The following JMY variants were observed in gnomAD, a reference collection of about 807,000 sequenced individuals.
JMY encodes junction-mediating and -regulatory protein.
In JMY, 46 loss-of-function variants were observed where a neutral mutation model predicts 103.3. That is an observed-to-expected ratio of 0.45 (90% CI 0.35 to 0.57). JMY has a LOEUF of 0.57. Ranked by LOEUF, JMY falls within the 20% of genes least tolerant of loss-of-function variation. JMY has a pLI of 0.00. For missense variants in JMY, 1,238 were observed against 1,255.2 expected (o/e 0.99, Z 0.21); for synonymous variants, 526 against 489.3 (o/e 1.07, Z -0.99).
At position 79,236,478 on chromosome 5, in the gene JMY, C is replaced by T. The variant is rs1007438737; in HGVS notation, c.-173C>T. 8 of 452,410 alleles carry T rather than the reference C, an allele frequency of 1.8e-5. No homozygotes were observed. The Admixed American group carries it at 2.2e-4, about 13-fold the overall frequency. The allele number at this position is 452,410 out of a possible 1,614,324, so 28.0% of individuals were successfully genotyped here. A position where few individuals can be genotyped will look rare whatever the true frequency, so the allele number is the denominator to read the frequency against. ...TCTCTCGATCCGCGCCACAAAGGAG[C>T]TCGGCGGTCGGGGCGCGGAGGGACA... is the stretch of plus-strand genomic sequence containing the variant. On this transcript the variant is annotated 5_prime_UTR_variant, in exon 1 of 11. Coordinates refer to ENST00000396137, the MANE Select transcript of JMY (RefSeq NM_152405.5).
At chr5:79,299,642 C>A (rs1561309995) in intron 4 of JMY, among the ~76,000 whole-genome samples, 2 of 152,206 alleles carry the variant, frequency 1.3e-5, no homozygotes, top group Non-Finnish European at 2.9e-5. Context: ...TTGTCTTCTG[C>A]TGTTCCAGTC....
chr5:79,312,033 T>A (rs1035508365), intron 7 of JMY, among the ~76,000 whole-genome samples: 4 of 152,104 alleles, frequency 2.6e-5, no homozygotes, highest in Non-Finnish European at 5.9e-5. Flanking sequence ...GCCTGGCTGG[T>A]CTCGAACCCC....
At chr5:79,290,367 A>G in intron 3 of JMY, 96 bp downstream of exon 3, 2 of 764,356 alleles carry the variant, frequency 2.6e-6, no homozygotes, top group South Asian at 4.9e-5. Context: ...GTATATAAAG[A>G]TCACTCATAA....
rs746108378 is a variant in JMY at position 79,237,400 on chromosome 5, G to A, written c.750G>A (p.Ser250=). The A allele has an allele frequency of 1.2e-6, 2 of 1,613,562 alleles. No homozygotes were observed. Among genetic ancestry groups the A allele is most frequent in the Middle Eastern group, 1.6e-4 (1 of 6,062 alleles). The stretch of plus-strand genomic sequence containing the variant: ...ACCAGCAGCTGTGCTCGGTGAACTC[G>A]CAGTTGGAGCCGTGCCTGCCGGTGT... The part of the protein sequence containing the change: ...AVHQQLCSVN[S]QLEPCLPVFP... Residue 250 remains serine, a synonymous_variant, in exon 1 of 11, where the codon TCG becomes TCA. Transcript: ENST00000396137.
intron 1 of JMY, among the ~76,000 whole-genome samples, chr5:79,265,219 C>T (rs184583367): frequency 2.0e-5 from 3 of 152,124 alleles, no homozygotes; most frequent in African/African-American, 4.8e-5. Flanking sequence ...CTACTGCACC[C>T]GGCCAAAAAA....
chr5:79,240,629 G>A (rs181308951), intron 1 of JMY, among the ~76,000 whole-genome samples: 2 of 152,238 alleles, frequency 1.3e-5, no homozygotes, highest in East Asian at 1.9e-4. Context: ...TTGAAAAATA[G>A]CCATCAAGGA....
intron 1 of JMY, among the ~76,000 whole-genome samples, chr5:79,260,116 C>T (rs1478465216): frequency 6.6e-6 from 1 of 152,222 alleles, no homozygotes; most frequent in Admixed American, 6.5e-5. Context: ...CCCTGGCCAG[C>T]GCCACACAAA....
intron 1 of JMY, among the ~76,000 whole-genome samples, chr5:79,260,490 C>G (rs955231865): frequency 6.6e-6 from 1 of 152,210 alleles, no homozygotes; most frequent in African/African-American, 2.4e-5. Context: ...AAGCGATCCT[C>G]CCACGTCAGC....
Position 79,277,903 on chromosome 5 carries a change from T to G in JMY, c.1033-7T>G. 1 of 1,604,932 alleles carries G rather than the reference T, an allele frequency of 6.2e-7. No individual in the cohort carries two copies. The highest frequency in any genetic ancestry group is 8.5e-7 in the Non-Finnish European group (1 of 1,173,790). On this transcript the variant is annotated splice_region_variant and splice_polypyrimidine_tract_variant and intron_variant, in intron 1 of 10. Coordinates refer to ENST00000396137, the MANE Select transcript of JMY (RefSeq NM_152405.5). ...TTTCTTAGTTGTGAAACTGTCTTGTTCCACAGCTCTTGGATAAGCACAAGA... is the reference window on the plus strand; with the variant it reads ...TTTCTTAGTTGTGAAACTGTCTTGTGCCACAGCTCTTGGATAAGCACAAGA...
intron 2 of JMY, among the ~76,000 whole-genome samples, chr5:79,288,533 T>A (rs1746332401): frequency 6.6e-6 from 1 of 152,168 alleles, no homozygotes; most frequent in South Asian, 2.1e-4. Context: ...CTGGCTAAAA[T>A]TCTGTTAATA....
At chr5:79,297,870 G>A (rs1746610559) in intron 4 of JMY, among the ~76,000 whole-genome samples, 2 of 152,132 alleles carry the variant, frequency 1.3e-5, no homozygotes, top group African/African-American at 4.8e-5. Flanking sequence ...TGAGGGTGAG[G>A]TCACTGCTTG....
At chr5:79,292,105 A>G (rs1401558562) in intron 4 of JMY, among the ~76,000 whole-genome samples, 1 of 152,172 alleles carries the variant, frequency 6.6e-6, no homozygotes, top group Non-Finnish European at 1.5e-5. Flanking sequence ...TAAAATTGGA[A>G]CTTGGCTTAT....
At chr5:79,300,473 T>C (rs1347633774) in intron 5 of JMY, among the ~76,000 whole-genome samples, 155 bp downstream of exon 5, 3 of 152,078 alleles carry the variant, frequency 2.0e-5, no homozygotes, top group South Asian at 4.2e-4. Flanking sequence ...TATTGAGCAC[T>C]TACTGTTTGC....
chr5:79,250,822 T>C (rs185595596), intron 1 of JMY, among the ~76,000 whole-genome samples: 408 of 152,086 alleles, frequency 2.7e-3, no homozygotes, highest in African/African-American at 9.3e-3. Context: ...TAGCAAGATG[T>C]TGTATTTTAA....
In JMY at chr5:79,236,782, A is replaced by T; in HGVS notation, c.132A>T (p.Ile44=). ...AWNEIEGKFA[I]TCHNRTAQRQ... is the part of the protein sequence containing the mutation. ...ACGAGATTGAGGGCAAGTTTGCCAT[A>T]ACCTGCCACAACCGGACGGCCCAGA... Residue 44 remains isoleucine (I), a synonymous_variant, in exon 1 of 11, where the codon ATA becomes ATT. Transcript: ENST00000396137. 6.6e-7 allele frequency: 1 copy of T among 1,511,134 alleles called. No homozygotes were observed. Among genetic ancestry groups the T allele is most frequent in the Non-Finnish European group, 8.9e-7 (1 of 1,128,386 alleles). The allele number at this position is 1,511,134 out of a possible 1,614,324, so 93.6% of individuals were successfully genotyped here.
At chr5:79,297,695 A>G (rs904143101) in intron 4 of JMY, among the ~76,000 whole-genome samples, 3 of 152,114 alleles carry the variant, frequency 2.0e-5, no homozygotes, top group East Asian at 1.9e-4. Flanking sequence ...GCTTTTCCCA[A>G]AGTCCACCAC....
chr5:79,274,982 T>G (rs1745896052), intron 1 of JMY, among the ~76,000 whole-genome samples: 1 of 152,136 alleles, frequency 6.6e-6, no homozygotes, highest in Admixed American at 6.6e-5. Flanking sequence ...CATGTATAGT[T>G]CCAGTGATCA....
intron 10 of JMY, among the ~76,000 whole-genome samples, chr5:79,319,427 A>C (rs1426776034): frequency 6.6e-6 from 1 of 152,186 alleles, no homozygotes; most frequent in African/African-American, 2.4e-5. Flanking sequence ...ACTAGTATGG[A>C]CTGATTAGGC....
At chr5:79,299,478 C>T (rs1036464536) in intron 4 of JMY, among the ~76,000 whole-genome samples, 2 of 152,174 alleles carry the variant, frequency 1.3e-5, no homozygotes, top group South Asian at 4.2e-4. Context: ...GCACCGAGAA[C>T]TGACCAACCA....
Sources: gnomAD v4.1 joint callset for allele counts (sites outside exome capture counted in the v4.1 genomes callset) on GRCh38, gnomAD v4.1.1 for gene constraint, MANE v1.5 for transcripts, NCBI Gene and HGNC (gene_info 2026-07-23, HGNC 2026-07-21) for gene names.